HSF2BP: variants seen among roughly 807,000 people sequenced by gnomAD.
The protein encoded by HSF2BP is heat shock transcription factor 2 binding protein, also known as heat shock factor 2-binding protein.
A neutral mutation model predicts 35.0 loss-of-function variants in HSF2BP; 35 were observed. The observed-to-expected ratio is 1.00, with a 90% CI of 0.76 to 1.32. The LOEUF is 1.32. HSF2BP is among the 40% of genes most tolerant of loss of function. The pLI is 0.00. For synonymous variants in HSF2BP, 114 were observed against 117.4 expected, an observed-to-expected ratio of 0.97 and a Z score of 0.18; for missense variants, 326 against 321.7, an observed-to-expected ratio of 1.01 and a Z score of -0.10.
chr21:43,501,282 T>A, the HSF2BP span, among the ~76,000 whole-genome samples: 1 of 124,506 alleles, frequency 8.0e-6, no homozygotes, highest in Non-Finnish European at 1.7e-5. Flanking sequence ...CCATTCTGAA[T>A]GGCGTAATGA....
chr21:43,593,639 C>G (rs1378717940), intron 7 of HSF2BP, among the ~76,000 whole-genome samples: 1 of 151,874 alleles, frequency 6.6e-6, no homozygotes, highest in Non-Finnish European at 1.5e-5. Context: ...TTTGAATGAC[C>G]AGCCAATTCA....
At chr21:43,576,515 A>G (rs2081646167) in intron 8 of HSF2BP, among the ~76,000 whole-genome samples, 1 of 152,204 alleles carries the variant, frequency 6.6e-6, no homozygotes, top group Admixed American at 6.5e-5. Flanking sequence ...GTTTGCTTCC[A>G]TTGCTGTTCA....
intron 8 of HSF2BP, among the ~76,000 whole-genome samples, chr21:43,576,680 C>A (rs944553912): frequency 2.2e-4 from 34 of 152,188 alleles, no homozygotes; most frequent in African/African-American, 8.2e-4. Context: ...AAATACGCTG[C>A]AAAATCTTGA....
At chr21:43,631,644 C>T (rs1438699482) in intron 5 of HSF2BP, among the ~76,000 whole-genome samples, 1 of 152,154 alleles carries the variant, frequency 6.6e-6, no homozygotes, top group Non-Finnish European at 1.5e-5. Context: ...GAATGAATCA[C>T]CAACCTGGTA....
chr21:43,652,130 T>C (rs2082795195), intron 3 of HSF2BP, among the ~76,000 whole-genome samples: 1 of 151,924 alleles, frequency 6.6e-6, no homozygotes, highest in South Asian at 2.1e-4. Context: ...TGGAAGCACA[T>C]GGTGACTCAT....
intron 8 of HSF2BP, among the ~76,000 whole-genome samples, chr21:43,574,169 C>T (rs1205534631): frequency 6.6e-6 from 1 of 152,178 alleles, no homozygotes; most frequent in African/African-American, 2.4e-5. Flanking sequence ...GAAAACAGCA[C>T]AGCTACATCA....
chr21:43,591,002 G>A (rs2081919255), intron 8 of HSF2BP, among the ~76,000 whole-genome samples: 1 of 152,072 alleles, frequency 6.6e-6, no homozygotes, highest in African/African-American at 2.4e-5. Flanking sequence ...CTTATTACAT[G>A]TCGATTACAC....
intron 1 of HSF2BP, among the ~76,000 whole-genome samples, chr21:43,658,813 C>G (rs956019860): frequency 6.6e-6 from 1 of 152,218 alleles, no homozygotes; most frequent in Non-Finnish European, 1.5e-5. Context: ...AGGGGCGCAC[C>G]GATCTGCCCA....
At chr21:43,638,103 T>C (rs1333082094) in intron 4 of HSF2BP, among the ~76,000 whole-genome samples, 1 of 152,108 alleles carries the variant, frequency 6.6e-6, no homozygotes, top group Non-Finnish European at 1.5e-5. Context: ...GATGACATGA[T>C]TGTCCATGTA....
chr21:43,614,520 A>G (rs1352439013), intron 6 of HSF2BP, among the ~76,000 whole-genome samples: 1 of 152,194 alleles, frequency 6.6e-6, no homozygotes, highest in African/African-American at 2.4e-5. Flanking sequence ...TGCGGTCACT[A>G]TGCTCCAGAG....
intron 5 of HSF2BP, among the ~76,000 whole-genome samples, chr21:43,632,146 C>CG (rs2082476976): frequency 2.9e-5 from 2 of 68,378 alleles, no homozygotes; most frequent in African/African-American, 1.4e-4. Context: ...CTCCCACACA[C>CG]ACACTCACAC....
At chr21:43,574,579 G>A (rs112571958) in intron 8 of HSF2BP, among the ~76,000 whole-genome samples, 13 of 152,136 alleles carry the variant, frequency 8.5e-5, no homozygotes, top group African/African-American at 2.4e-4. Context: ...GGATGGTCTC[G>A]ATCTCCTGAC....
At chr21:43,573,588 A>G (rs1193103447) in intron 8 of HSF2BP, among the ~76,000 whole-genome samples, 2 of 152,182 alleles carry the variant, frequency 1.3e-5, no homozygotes, top group Admixed American at 6.5e-5. Flanking sequence ...CAGATCAAAC[A>G]CTGCTGCTTC....
intron 6 of HSF2BP, among the ~76,000 whole-genome samples, chr21:43,623,346 T>C (rs2082352691): frequency 6.6e-6 from 1 of 152,096 alleles, no homozygotes; most frequent in Non-Finnish European, 1.5e-5. Flanking sequence ...AATAAATGCC[T>C]GTATCAAAAA....
chr21:43,654,829 T>C (rs773590203), intron 3 of HSF2BP, among the ~76,000 whole-genome samples: 4 of 152,102 alleles, frequency 2.6e-5, no homozygotes, highest in African/African-American at 4.8e-5. Context: ...GGAGAAGCCA[T>C]GGGGTGAGGC....
Position 43,658,219 on chromosome 21 carries a change from T to C in HSF2BP, c.-123A>G, listed in dbSNP as rs963449997. 5.1e-6 allele frequency: 6 copies of C among 1,170,502 alleles called. No homozygotes were observed. The African/African-American group carries it at 9.6e-5, about 19-fold the overall frequency. 72.5% of individuals were successfully genotyped at this position (1,170,502 alleles called of 1,614,324 possible). Reference sequence around the variant, plus strand: ...AACGGAGAGCCGCCAGGCCCAAACCTCCCAGAATTTGCGCAGTATTCTCGG... The same window carrying C: ...AACGGAGAGCCGCCAGGCCCAAACCCCCCAGAATTTGCGCAGTATTCTCGG... On this transcript the variant is annotated 5_prime_UTR_variant, in exon 2 of 9. Transcript: ENST00000291560.
chr21:43,596,929 C>T (rs1431297055), intron 7 of HSF2BP, among the ~76,000 whole-genome samples: 2 of 147,232 alleles, frequency 1.4e-5, no homozygotes, highest in Non-Finnish European at 3.0e-5. Context: ...TATAAAGAGG[C>T]AAATATATTG....
rs1421989681 is a variant in HSF2BP, at chr21:43,659,042, A to G, written c.-225+344T>C. ...GCCAGGCGCGGCGGCTCAAGCCTGT[A>G]ATCCCAGCGATCAGGGAGGCCGCCG... On this transcript the variant is annotated intron_variant, in intron 1 of 8. Coordinates refer to ENST00000291560, the MANE Select transcript of HSF2BP (RefSeq NM_007031.2). This position sits in a 1 kb window ranked among gnomAD's most constrained non-coding sequence, Gnocchi z 4.2. Among the ~76,000 whole-genome samples the G allele has an allele frequency of 6.6e-6, 1 of 152,202 alleles. No individual in the cohort carries two copies. Among genetic ancestry groups the G allele is most frequent in the African/African-American group, 2.4e-5 (1 of 41,472 alleles).
At chr21:43,651,040 T>C (rs1361139118) in intron 3 of HSF2BP, among the ~76,000 whole-genome samples, 1 of 152,134 alleles carries the variant, frequency 6.6e-6, no homozygotes, top group Non-Finnish European at 1.5e-5. Context: ...TAGCTGAGTC[T>C]TACTCGAACC....
Sources: gnomAD v4.1 joint callset for allele counts (sites outside exome capture counted in the v4.1 genomes callset) on GRCh38, gnomAD v4.1.1 for gene constraint, Gnocchi (gnomAD v3.1) non-coding constraint, MANE v1.5 for transcripts, NCBI Gene and HGNC (gene_info 2026-07-23, HGNC 2026-07-21) for gene names.